Variants in MPHOSPH8 observed in about 807,000 individuals in gnomAD.
MPHOSPH8 encodes M-phase phosphoprotein 8.
In MPHOSPH8, 45 loss-of-function variants were observed where a neutral mutation model predicts 87.3. That is an observed-to-expected ratio of 0.52 (90% CI 0.41 to 0.66). The LOEUF (loss-of-function observed/expected upper bound fraction) is 0.66, where lower values mean the gene tolerates loss of function less well. MPHOSPH8 is among the 30% of genes least tolerant of loss of function. The pLI, the probability that MPHOSPH8 is intolerant of heterozygous loss-of-function variation, is 0.00. For missense variants in MPHOSPH8, 883 were observed against 1,020.2 expected (o/e 0.87, Z 1.83); for synonymous variants, 366 against 376.9 (o/e 0.97, Z 0.33).
Position 19,635,667 on chromosome 13 carries a change from G to A in MPHOSPH8, c.213+1706G>A, listed in dbSNP as rs536125788. On this transcript the variant is annotated intron_variant, in intron 1 of 13. Coordinates refer to ENST00000361479, the MANE Select transcript of MPHOSPH8 (RefSeq NM_017520.4). ...AAAGCCTCACCAGTCTAAAGAGGGT[G>A]AAACTAAGAAACTTATTTGTGTAAG... is the stretch of plus-strand genomic sequence containing the variant. 1.1e-4 allele frequency among the ~76,000 whole-genome samples: 16 copies of A among 152,348 alleles called. 1 individual carries two copies. The South Asian group carries it at 3.3e-3, about 32-fold the overall frequency.
intron 7 of MPHOSPH8, among the ~76,000 whole-genome samples, chr13:19,660,086 C>T (rs1051722923): frequency 5.9e-5 from 9 of 151,284 alleles, no homozygotes; most frequent in Middle Eastern, 3.2e-3. Context: ...CTCAGCCTCC[C>T]GAGTAGCTGG....
chr13:19,660,832 G>A (rs1002055346), intron 7 of MPHOSPH8: 4 of 649,802 alleles, frequency 6.2e-6, no homozygotes, highest in Non-Finnish European at 7.6e-6. Context: ...AATTCTTATA[G>A]TTTTTAAGTT....
At chr13:19,650,448 A>C (rs972943446) in intron 5 of MPHOSPH8, 188 bp downstream of exon 5, 5 of 568,472 alleles carry the variant, frequency 8.8e-6, no homozygotes, top group Non-Finnish European at 1.4e-5. Flanking sequence ...TGGATCAAAC[A>C]ATTTTTCTGA....
chr13:19,655,669 C>T (rs1875120561), intron 5 of MPHOSPH8, among the ~76,000 whole-genome samples: 1 of 152,168 alleles, frequency 6.6e-6, no homozygotes, highest in Non-Finnish European at 1.5e-5. Context: ...CAGGCATGAG[C>T]CACCATGACT....
intron 5 of MPHOSPH8, among the ~76,000 whole-genome samples, chr13:19,657,822 G>A (rs1332365382): frequency 1.3e-5 from 2 of 152,120 alleles, no homozygotes; most frequent in East Asian, 3.9e-4. Flanking sequence ...CTTCCTCAGT[G>A]GTGGGATGGG....
rs1341559784 is a variant in MPHOSPH8, at chr13:19,671,326, A to C, written c.2541+37A>C. On this transcript the variant is annotated intron_variant, in intron 13 of 13. Coordinates refer to ENST00000361479, the MANE Select transcript of MPHOSPH8 (RefSeq NM_017520.4). ...TTCTTCACATTTAGTGTCACTACTC[A>C]AGTTGTTGCTCCAGATTACTTTATC... The C allele has an allele frequency of 3.9e-6, 6 of 1,553,562 alleles. No homozygotes were observed. In the Admixed American group the frequency reaches 1.0e-4, roughly 26 times the overall value.
chr13:19,670,820 C>CT (rs3052670), intron 12 of MPHOSPH8: 84,962 of 952,878 alleles, frequency 0.089, 2,053 homozygotes, highest in African/African-American at 0.27. Flanking sequence ...AAATAAATCA[C>CT]TTTTTTTTTT....
At chr13:19,655,424 C>T (rs1875103469) in intron 5 of MPHOSPH8, among the ~76,000 whole-genome samples, 1 of 152,206 alleles carries the variant, frequency 6.6e-6, no homozygotes, top group Non-Finnish European at 1.5e-5. Flanking sequence ...GCCATGATAA[C>T]ACCACTGTAC....
intron 7 of MPHOSPH8, among the ~76,000 whole-genome samples, chr13:19,660,192 T>G (rs1875449742): frequency 6.6e-6 from 1 of 151,620 alleles, no homozygotes; most frequent in African/African-American, 2.4e-5. Context: ...ATGGTCTCGA[T>G]CTCCTGACCT....
intron 9 of MPHOSPH8, among the ~76,000 whole-genome samples, chr13:19,664,521 T>C (rs1875712272): frequency 6.6e-6 from 1 of 152,148 alleles, no homozygotes; most frequent in African/African-American, 2.4e-5. Context: ...AGGGTTTTCA[T>C]TTGTGTATTT....
intron 1 of MPHOSPH8, among the ~76,000 whole-genome samples, chr13:19,639,669 G>A (rs759311999): frequency 5.8e-4 from 88 of 152,272 alleles, no homozygotes; most frequent in Non-Finnish European, 8.4e-4. Context: ...CTGGAAGAGA[G>A]TGTCTAGAGA....
chr13:19,656,394 G>C (rs1193085305), intron 5 of MPHOSPH8, among the ~76,000 whole-genome samples: 1 of 151,806 alleles, frequency 6.6e-6, no homozygotes, highest in Non-Finnish European at 1.5e-5. Flanking sequence ...TATAAGATCA[G>C]TGACAAAAGC....
intron 1 of MPHOSPH8, 43 bp downstream of exon 1, chr13:19,634,004 G>A: frequency 1.3e-6 from 2 of 1,573,020 alleles, no homozygotes; most frequent in East Asian, 4.6e-5. Context: ...GGGGAGCTCC[G>A]GGCCTGGCGG....
intron 5 of MPHOSPH8, among the ~76,000 whole-genome samples, chr13:19,652,736 C>T (rs2137520795): frequency 6.6e-6 from 1 of 152,140 alleles, no homozygotes; most frequent in East Asian, 1.9e-4. Context: ...GCCACTTGAG[C>T]TTGGTGGGAG....
Position 19,661,672 on chromosome 13 carries a change from G to A in MPHOSPH8, c.1792-26G>A, listed in dbSNP as rs747677678. The A allele has an allele frequency of 4.5e-6, 7 of 1,566,794 alleles. No homozygotes were observed. In the East Asian group the frequency reaches 6.9e-5, roughly 16 times the overall value. On this transcript the variant is annotated intron_variant, in intron 7 of 13. Coordinates refer to ENST00000361479, the MANE Select transcript of MPHOSPH8 (RefSeq NM_017520.4). ...AATTGTTCTGACTAAAGATTAACAC[G>A]TTTTTTATTTAACAAACCAACACAG...
chr13:19,639,335 G>C (rs112123345), intron 1 of MPHOSPH8, among the ~76,000 whole-genome samples: 1 of 151,264 alleles, frequency 6.6e-6, no homozygotes, highest in South Asian at 2.1e-4. Context: ...TTTTGAGATG[G>C]AATCTTGCTC....
At chr13:19,670,555 T>G (rs1876067272) in intron 12 of MPHOSPH8, among the ~76,000 whole-genome samples, 192 bp downstream of exon 12, 1 of 152,232 alleles carries the variant, frequency 6.6e-6, no homozygotes, top group Non-Finnish European at 1.5e-5. Context: ...TTTTTCCTGC[T>G]TATTTTTTGC....
intron 4 of MPHOSPH8, among the ~76,000 whole-genome samples, chr13:19,649,281 TC>T (rs1874723480): frequency 6.6e-6 from 1 of 152,024 alleles, no homozygotes; most frequent in Non-Finnish European, 1.5e-5. Context: ...TAACCTTTTT[TC>T]CTCCTAGTAT....
intron 1 of MPHOSPH8, among the ~76,000 whole-genome samples, chr13:19,635,710 TTG>T (rs1045019425): frequency 3.3e-5 from 5 of 152,218 alleles, no homozygotes; most frequent in African/African-American, 1.2e-4. Context: ...GGCTTTAGTG[TTG>T]TGAGTTAAAA....
Sources: allele counts gnomAD v4.1 joint callset (sites outside exome capture counted in the v4.1 genomes callset), GRCh38; gene constraint gnomAD v4.1.1; transcripts MANE v1.5; gene names NCBI Gene and HGNC (gene_info 2026-07-23, HGNC 2026-07-21).